Variants in MINDY2 observed in about 807,000 individuals in gnomAD.
The protein encoded by MINDY2 is MINDY lysine 48 deubiquitinase 2.
MINDY2 carries 52 observed loss-of-function variants against 68.2 expected under a neutral mutation model. The ratio of observed to expected loss-of-function variants is 0.76; its 90% CI spans 0.61 to 0.96. The LOEUF (loss-of-function observed/expected upper bound fraction) is 0.96. Ranked by LOEUF, MINDY2 falls within the 40% of genes least tolerant of loss-of-function variation. The pLI is 0.00. For synonymous variants in MINDY2, 372 were observed against 303.0 expected, an observed-to-expected ratio of 1.23 and a Z score of -2.36; for missense variants, 881 against 773.4, an observed-to-expected ratio of 1.14 and a Z score of -1.65.
chr15:58,778,103 G>T (rs1900891790), intron 1 of MINDY2, among the ~76,000 whole-genome samples: 1 of 152,070 alleles, frequency 6.6e-6, no homozygotes, highest in African/African-American at 2.4e-5. Context: ...AGTAATAGAG[G>T]GAATCCCTAC....
chr15:58,794,358 G>GGGGTGTGTGT (rs1555429190), intron 2 of MINDY2, among the ~76,000 whole-genome samples: 1 of 139,112 alleles, frequency 7.2e-6, no homozygotes, highest in African/African-American at 2.7e-5. Context: ...TTTTTTTTGG[G>GGGGTGTGTGT]GTGTGTGTGT....
At chr15:58,779,551 C>T (rs1287195662) in intron 1 of MINDY2, among the ~76,000 whole-genome samples, 2 of 152,170 alleles carry the variant, frequency 1.3e-5, no homozygotes, top group African/African-American at 4.8e-5. Context: ...GTGTTTATTA[C>T]TTATAAAAAA....
At chr15:58,808,538 A>G (rs1595734776) in intron 3 of MINDY2, among the ~76,000 whole-genome samples, 1 of 152,042 alleles carries the variant, frequency 6.6e-6, no homozygotes. Context: ...TCATGGCTTG[A>G]TAGCTCATCT....
intron 6 of MINDY2, among the ~76,000 whole-genome samples, chr15:58,845,544 T>A (rs542657720): frequency 2.6e-5 from 4 of 152,238 alleles, no homozygotes; most frequent in African/African-American, 9.6e-5. Flanking sequence ...AGACAGACAA[T>A]AACAAATGTT....
intron 1 of MINDY2, among the ~76,000 whole-genome samples, chr15:58,783,331 G>A (rs1190191741): frequency 2.0e-5 from 3 of 152,116 alleles, no homozygotes; most frequent in Non-Finnish European, 4.4e-5. Context: ...GTGTTGTTGA[G>A]TACTTATTAT....
At chr15:58,784,730 C>A (rs772252190) in intron 1 of MINDY2, among the ~76,000 whole-genome samples, 4 of 151,380 alleles carry the variant, frequency 2.6e-5, no homozygotes, top group Non-Finnish European at 5.9e-5. Flanking sequence ...AGTGGTGCTC[C>A]CACCTCAGCC....
intron 2 of MINDY2, among the ~76,000 whole-genome samples, chr15:58,790,387 AC>A (rs1470523506): frequency 6.6e-6 from 1 of 152,170 alleles, no homozygotes; most frequent in Non-Finnish European, 1.5e-5. Flanking sequence ...GTCAAGGAGT[AC>A]ACAAAGGGGA....
chr15:58,828,575 C>CTTTTTTTTTTTT, intron 5 of MINDY2, among the ~76,000 whole-genome samples: 1 of 106,140 alleles, frequency 9.4e-6, no homozygotes, highest in Non-Finnish European at 1.9e-5. Context: ...TATTGAATTT[C>CTTTTTTTTTTTT]TTTTTTTTTT....
intron 2 of MINDY2, among the ~76,000 whole-genome samples, chr15:58,791,215 T>TTACATATA (rs1901873293): frequency 1.3e-5 from 1 of 79,586 alleles, no homozygotes; most frequent in African/African-American, 3.5e-5. Context: ...GAAAGCAATT[T>TTACATATA]TATATATATA....
At chr15:58,784,868 C>T (rs1483533643) in intron 1 of MINDY2, among the ~76,000 whole-genome samples, 1 of 151,782 alleles carries the variant, frequency 6.6e-6, no homozygotes, top group Non-Finnish European at 1.5e-5. Flanking sequence ...CTCCTGGGCT[C>T]AAGTGATCCT....
intron 6 of MINDY2, among the ~76,000 whole-genome samples, chr15:58,841,700 C>T (rs936644583): frequency 1.8e-4 from 28 of 152,120 alleles, no homozygotes; most frequent in East Asian, 5.8e-4. Flanking sequence ...CCACCGCGCC[C>T]GGCTGATCTG....
intron 3 of MINDY2, among the ~76,000 whole-genome samples, chr15:58,806,664 C>T (rs1287468797): frequency 6.6e-6 from 1 of 151,854 alleles, no homozygotes; most frequent in Admixed American, 6.6e-5. Context: ...ATCATATTGC[C>T]CCTAAAGGAA....
At chr15:58,810,188 T>C (rs1362678569) in intron 3 of MINDY2, 42 bp from the exon 4 acceptor site, 2 of 1,534,780 alleles carry the variant, frequency 1.3e-6, no homozygotes, top group Non-Finnish European at 1.8e-6. Context: ...TGTTCTCGTT[T>C]TGATGTTTCT....
At chr15:58,826,966 T>C (rs1360214066) in intron 5 of MINDY2, among the ~76,000 whole-genome samples, 2 of 152,166 alleles carry the variant, frequency 1.3e-5, no homozygotes, top group Non-Finnish European at 2.9e-5. Flanking sequence ...GTTTATGACA[T>C]TGACTTTTTA....
chr15:58,818,411 A>G (rs1206833611), intron 4 of MINDY2, among the ~76,000 whole-genome samples: 1 of 152,074 alleles, frequency 6.6e-6, no homozygotes, highest in Non-Finnish European at 1.5e-5. Flanking sequence ...ACACACTCCC[A>G]TGCCTGGCTA....
At chr15:58,816,207 C>T (rs557982482) in intron 4 of MINDY2, among the ~76,000 whole-genome samples, 1 of 152,142 alleles carries the variant, frequency 6.6e-6, no homozygotes, top group South Asian at 2.1e-4. Context: ...GTAAAAGCTG[C>T]TGGGATTCAG....
At chr15:58,837,192 C>T (rs1263581057) in intron 6 of MINDY2, among the ~76,000 whole-genome samples, 1 of 152,170 alleles carries the variant, frequency 6.6e-6, no homozygotes, top group Non-Finnish European at 1.5e-5. Context: ...TTATTATTCT[C>T]TCCTACTAAT....
intron 2 of MINDY2, among the ~76,000 whole-genome samples, chr15:58,790,450 T>C (rs928656161): frequency 6.6e-5 from 10 of 152,132 alleles, no homozygotes; most frequent in Non-Finnish European, 1.0e-4. Context: ...TATGGGGCCC[T>C]AAAGATGTAA....
chr15:58,826,712 A>G (rs113799386), intron 5 of MINDY2, among the ~76,000 whole-genome samples: 5 of 152,326 alleles, frequency 3.3e-5, no homozygotes, highest in African/African-American at 1.2e-4. Flanking sequence ...TATATTGTTC[A>G]TATCAGAATT....
Sources: allele counts gnomAD v4.1 joint callset (sites outside exome capture counted in the v4.1 genomes callset), GRCh38; gene constraint gnomAD v4.1.1; transcripts MANE v1.5; gene names NCBI Gene and HGNC (gene_info 2026-07-23, HGNC 2026-07-21).